Variants in LRRC37A2 observed in about 807,000 individuals in gnomAD.
LRRC37A2 encodes the protein leucine rich repeat containing 37 member A2.
Under a neutral mutation model 68.8 loss-of-function variants are expected in LRRC37A2, and 9 were observed. The ratio of observed to expected loss-of-function variants is 0.13; its 90% CI spans 0.08 to 0.23. The LOEUF (loss-of-function observed/expected upper bound fraction) is 0.23, where lower values mean the gene tolerates loss of function less well. LRRC37A2 is among the 10% of genes least tolerant of loss of function. LRRC37A2 has a pLI of 1.00. For missense variants in LRRC37A2, 168 were observed against 950.4 expected, an observed-to-expected ratio of 0.18 and a Z score of 10.82; for synonymous variants, 63 against 367.6, an observed-to-expected ratio of 0.17 and a Z score of 9.48.
At chr17:46,708,918 G>A in the LRRC37A2 span, among the ~76,000 whole-genome samples, 3 of 146,698 alleles carry the variant, frequency 2.0e-5, no homozygotes, top group African/African-American at 7.7e-5. Context: ...TCCGCCTCCT[G>A]GGTTCAAGTG....
chr17:46,871,555 A>C, the LRRC37A2 span, among the ~76,000 whole-genome samples: 1 of 152,318 alleles, frequency 6.6e-6, no homozygotes, highest in Admixed American at 6.5e-5. Flanking sequence ...TCCAGCTAGC[A>C]GGAAGGTAGG....
the LRRC37A2 span, among the ~76,000 whole-genome samples, chr17:46,945,726 T>C: frequency 6.6e-6 from 1 of 152,124 alleles, no homozygotes; most frequent in Non-Finnish European, 1.5e-5. Context: ...TCTAAGAGTT[T>C]CTTGTGCCCC....
the LRRC37A2 span, among the ~76,000 whole-genome samples, chr17:47,029,281 CA>C: frequency 4.7e-5 from 7 of 150,258 alleles, no homozygotes; most frequent in South Asian, 4.2e-4. Flanking sequence ...AGCTATTGTG[CA>C]AAAAAAAACT....
chr17:46,532,912 G>T (rs1162703107), intron 6 of LRRC37A2, among the ~76,000 whole-genome samples: 1 of 146,160 alleles, frequency 6.8e-6, no homozygotes, highest in South Asian at 2.2e-4. Context: ...GCCAGCCAGG[G>T]CAACATACTG....
chr17:46,904,476 GGATGGA>G, the LRRC37A2 span, among the ~76,000 whole-genome samples: 1 of 150,162 alleles, frequency 6.7e-6, no homozygotes, highest in Non-Finnish European at 1.5e-5. Context: ...ATGGATGGAT[GGATGGA>G]TGGATGGATG....
chr17:46,891,282 G>A, the LRRC37A2 span, among the ~76,000 whole-genome samples: 2 of 152,064 alleles, frequency 1.3e-5, no homozygotes, highest in Non-Finnish European at 2.9e-5. Context: ...TTTGAGCCTC[G>A]CCATAGCCCA....
chr17:46,911,677 G>A, the LRRC37A2 span, among the ~76,000 whole-genome samples: 1 of 152,118 alleles, frequency 6.6e-6, no homozygotes, highest in Non-Finnish European at 1.5e-5. Context: ...GAGGTCAGGG[G>A]TTCAAGACCA....
chr17:47,042,293 C>T, the LRRC37A2 span, among the ~76,000 whole-genome samples: 1 of 149,168 alleles, frequency 6.7e-6, no homozygotes, highest in East Asian at 2.0e-4. Flanking sequence ...CGGGTTCAAG[C>T]AATTCTCCTG....
chr17:46,978,943 C>A, the LRRC37A2 span: 5 of 1,455,082 alleles, frequency 3.4e-6, no homozygotes, highest in Non-Finnish European at 4.5e-6. Flanking sequence ...CAGGGCGGCC[C>A]CGGCGCCGCC....
the LRRC37A2 span, among the ~76,000 whole-genome samples, chr17:46,980,131 C>T: frequency 7.0e-6 from 1 of 142,016 alleles, no homozygotes; most frequent in South Asian, 2.4e-4. Flanking sequence ...CCCCAACCAA[C>T]CCCAAGAGTT....
At chr17:46,766,388 CAA>C in the LRRC37A2 span, among the ~76,000 whole-genome samples, 11 of 149,544 alleles carry the variant, frequency 7.4e-5, no homozygotes, top group African/African-American at 2.5e-4. Flanking sequence ...GCCTGGGCGA[CAA>C]AGAGAGACTC....
the LRRC37A2 span, among the ~76,000 whole-genome samples, chr17:47,035,867 A>G: frequency 6.6e-6 from 1 of 152,178 alleles, no homozygotes; most frequent in African/African-American, 2.4e-5. Flanking sequence ...AGTGTAAAGT[A>G]GTATCTCGCT....
the LRRC37A2 span, among the ~76,000 whole-genome samples, chr17:46,772,926 C>G: frequency 9.0e-4 from 137 of 152,268 alleles, no homozygotes; most frequent in African/African-American, 3.1e-3. Flanking sequence ...GCCAGCCCGG[C>G]CAGGATCGTT....
At chr17:46,793,187 T>C in the LRRC37A2 span, among the ~76,000 whole-genome samples, 3 of 146,282 alleles carry the variant, frequency 2.1e-5, no homozygotes, top group East Asian at 2.0e-4. Context: ...GTTGGGAGGA[T>C]TGCTTGAGCC....
chr17:46,846,048 C>T, the LRRC37A2 span, among the ~76,000 whole-genome samples: 6 of 152,248 alleles, frequency 3.9e-5, no homozygotes, highest in East Asian at 9.6e-4. Flanking sequence ...ACTTCAGCCT[C>T]CCAAAGTTCT....
chr17:46,542,124 TAA>T (rs147322148), intron 8 of LRRC37A2, among the ~76,000 whole-genome samples: 1 of 133,230 alleles, frequency 7.5e-6, no homozygotes, highest in African/African-American at 3.1e-5. Flanking sequence ...GGACTCTGTC[TAA>T]AAAAAAAAGT....
At chr17:46,898,682 T>G in the LRRC37A2 span, among the ~76,000 whole-genome samples, 2 of 152,224 alleles carry the variant, frequency 1.3e-5, no homozygotes, top group African/African-American at 4.8e-5. Flanking sequence ...GAGTTTCCAG[T>G]GGAATCCTTG....
downstream of LRRC37A2, among the ~76,000 whole-genome samples, chr17:46,558,125 T>C (rs1361199984): frequency 7.0e-5 from 9 of 128,580 alleles, no homozygotes; most frequent in African/African-American, 2.8e-4. Context: ...AATGGCACGA[T>C]CTCAGCTCAC....
the LRRC37A2 span, among the ~76,000 whole-genome samples, chr17:46,920,512 G>C: frequency 0.016 from 2,417 of 152,282 alleles, 58 homozygotes; most frequent in African/African-American, 0.055. Flanking sequence ...CAGGATCCAG[G>C]AAAAGAGAAG....
Sources: gnomAD v4.1 joint callset for allele counts (sites outside exome capture counted in the v4.1 genomes callset) on GRCh38, gnomAD v4.1.1 for gene constraint, MANE v1.5 for transcripts, NCBI Gene and HGNC (gene_info 2026-07-23, HGNC 2026-07-21) for gene names.